CADM1: variants seen among roughly 807,000 people sequenced by gnomAD.
CADM1 encodes TSLC-1.
CADM1 carries 15 observed loss-of-function variants against 53.1 expected under a neutral mutation model. The observed-to-expected ratio is 0.28, with a 90% confidence interval of 0.19 to 0.44. The LOEUF is 0.44. CADM1 is among the 20% of genes least tolerant of loss of function. The pLI is 1.00. For missense variants in CADM1, 434 were observed against 611.3 expected (o/e 0.71, Z 3.06); for synonymous variants, 281 against 243.0 (o/e 1.16, Z -1.45).
At chr11:115,388,020 A>G (rs1038810077) in intron 1 of CADM1, among the ~76,000 whole-genome samples, 4 of 152,148 alleles carry the variant, frequency 2.6e-5, no homozygotes, top group Non-Finnish European at 5.9e-5. Context: ...CACATCTCAC[A>G]CCAGAAAAAG....
intron 6 of CADM1, among the ~76,000 whole-genome samples, 162 bp from the exon 7 acceptor site, chr11:115,214,942 A>T (rs569853736): frequency 2.6e-5 from 4 of 152,254 alleles, no homozygotes; most frequent in East Asian, 1.9e-4. Flanking sequence ...TTGGTATACA[A>T]TTTTTTTCTT....
intron 1 of CADM1, among the ~76,000 whole-genome samples, chr11:115,323,582 T>C (rs183645163): frequency 6.2e-4 from 94 of 152,126 alleles, no homozygotes; most frequent in African/African-American, 2.3e-3. Flanking sequence ...AGAGGTTGAG[T>C]TACAGAAAAT....
chr11:115,323,150 T>A (rs1246682457), intron 1 of CADM1, among the ~76,000 whole-genome samples: 1 of 152,192 alleles, frequency 6.6e-6, no homozygotes, highest in Non-Finnish European at 1.5e-5. Flanking sequence ...AAGTGGTACT[T>A]CACTGTGGTT....
At chr11:115,476,840 T>A (rs1235009460) in intron 1 of CADM1, among the ~76,000 whole-genome samples, 2 of 152,128 alleles carry the variant, frequency 1.3e-5, no homozygotes, top group African/African-American at 4.8e-5. Flanking sequence ...ACATAATAAC[T>A]GAGAGTTAAC....
intron 1 of CADM1, among the ~76,000 whole-genome samples, chr11:115,388,888 T>C (rs1027669047): frequency 6.6e-6 from 1 of 152,058 alleles, no homozygotes; most frequent in Non-Finnish European, 1.5e-5. Context: ...ATAAAGGATA[T>C]CATTAGATCA....
intron 1 of CADM1, among the ~76,000 whole-genome samples, chr11:115,332,173 G>C (rs1297111779): frequency 6.6e-6 from 1 of 152,164 alleles, no homozygotes; most frequent in East Asian, 1.9e-4. Flanking sequence ...TTCGAAGAGA[G>C]TTGCCAGCCT....
At chr11:115,188,440 T>G (rs1318293055) in intron 10 of CADM1, among the ~76,000 whole-genome samples, 1 of 152,152 alleles carries the variant, frequency 6.6e-6, no homozygotes, top group African/African-American at 2.4e-5. Flanking sequence ...GCAACTTGCT[T>G]TGCTGGGTGA....
chr11:115,365,546 C>T (rs1366323660), intron 1 of CADM1, among the ~76,000 whole-genome samples: 1 of 151,086 alleles, frequency 6.6e-6, no homozygotes, highest in Non-Finnish European at 1.5e-5. Flanking sequence ...CAAATATTGG[C>T]AAATAAAAAA....
intron 1 of CADM1, among the ~76,000 whole-genome samples, chr11:115,325,912 A>T (rs1944947881): frequency 1.3e-5 from 2 of 152,184 alleles, no homozygotes; most frequent in African/African-American, 4.8e-5. Flanking sequence ...TCATAATTGT[A>T]TTTCTACAGC....
chr11:115,199,101 T>C (rs988950754), intron 8 of CADM1, among the ~76,000 whole-genome samples: 2 of 151,752 alleles, frequency 1.3e-5, no homozygotes, highest in Non-Finnish European at 2.9e-5. Flanking sequence ...TTAGTTTCTA[T>C]ACACACACAC....
At position 115,206,758 on chromosome 11, in the gene CADM1, CTTTTTTTTT is replaced by C. The variant is rs56270694; in HGVS notation, c.1078+2807_1078+2815del. On this transcript the variant is annotated intron_variant, in intron 8 of 11. Coordinates refer to ENST00000331581, the MANE Select transcript of CADM1 (RefSeq NM_001301043.2). ...AAAAGAAATAGATGACTGTGGACTT[CTTTTTTTTT>C]TTTTTTTTTTTTTTTTTTTTTTAAG... is the stretch of plus-strand genomic sequence containing the variant. Among the ~76,000 whole-genome samples, 160 of 38,234 alleles carry C rather than the reference CTTTTTTTTT, an allele frequency of 4.2e-3. 4 individuals are homozygous for C. In the Admixed American group the frequency reaches 0.057, roughly 14 times the overall value. 25.1% of individuals were successfully genotyped at this position (38,234 alleles called of 152,430 possible).
chr11:115,322,115 T>A (rs1237867055), intron 1 of CADM1, among the ~76,000 whole-genome samples: 1 of 152,168 alleles, frequency 6.6e-6, no homozygotes, highest in African/African-American at 2.4e-5. Flanking sequence ...TCAGCCTAAG[T>A]GAACAGGAGG....
At chr11:115,466,524 A>G (rs1430337564) in intron 1 of CADM1, among the ~76,000 whole-genome samples, 1 of 152,216 alleles carries the variant, frequency 6.6e-6, no homozygotes, top group Non-Finnish European at 1.5e-5. Context: ...GTTTTTCAGG[A>G]AAGAGAAAAC....
chr11:115,288,696 TATC>T (rs750111137), intron 1 of CADM1, among the ~76,000 whole-genome samples: 1 of 152,194 alleles, frequency 6.6e-6, no homozygotes, highest in Non-Finnish European at 1.5e-5. Flanking sequence ...TCATGGCACT[TATC>T]ATGCTGCCCT....
At chr11:115,380,984 C>G (rs1446266605) in intron 1 of CADM1, among the ~76,000 whole-genome samples, 1 of 151,968 alleles carries the variant, frequency 6.6e-6, no homozygotes, top group African/African-American at 2.4e-5. Flanking sequence ...TAAGAGGTTC[C>G]CTTTCATACA....
chr11:115,378,521 T>C (rs1307071153), intron 1 of CADM1, among the ~76,000 whole-genome samples: 1 of 152,002 alleles, frequency 6.6e-6, no homozygotes, highest in Non-Finnish European at 1.5e-5. Flanking sequence ...TACATAAATA[T>C]ATAAATAAGA....
chr11:115,442,445 CA>C (rs1284693882), intron 1 of CADM1, among the ~76,000 whole-genome samples: 1 of 152,142 alleles, frequency 6.6e-6, no homozygotes, highest in Non-Finnish European at 1.5e-5. Flanking sequence ...ATTTATGTCA[CA>C]AGCGAATAGA....
At position 115,504,377 on chromosome 11, in the gene CADM1, C is replaced by T. The variant is rs995561586; in HGVS notation, c.18G>A (p.Leu6=). 2 of 1,547,218 alleles carry T rather than the reference C, an allele frequency of 1.3e-6. No homozygotes were observed. Among genetic ancestry groups the T allele is most frequent in the African/African-American group, 2.7e-5 (2 of 72,980 alleles). Residue 6 remains leucine, a synonymous_variant, in exon 1 of 12, where the codon CTG becomes CTA. Coordinates refer to ENST00000331581, the MANE Select transcript of CADM1 (RefSeq NM_001301043.2). MASVV[L]PSGSQCAAAA... is the part of the protein sequence containing the mutation. ...CCGCCGCACACTGGGATCCGCTCGG[C>T]AGCACTACACTCGCCATGTCGGGCA...
At chr11:115,267,678 C>CTTTTT (rs56712105) in intron 1 of CADM1, among the ~76,000 whole-genome samples, 10 of 131,262 alleles carry the variant, frequency 7.6e-5, no homozygotes, top group East Asian at 2.1e-4. Context: ...AAATTGCTTT[C>CTTTTT]TTTTTTTTTT....
Sources: gnomAD v4.1 joint callset for allele counts (sites outside exome capture counted in the v4.1 genomes callset) on GRCh38, gnomAD v4.1.1 for gene constraint, MANE v1.5 for transcripts, NCBI Gene and HGNC (gene_info 2026-07-23, HGNC 2026-07-21) for gene names.